Variants in DAB1 observed in about 807,000 individuals in gnomAD.
DAB1 encodes disabled homolog 1.
Under a neutral mutation model 64.6 loss-of-function variants are expected in DAB1, and 15 were observed. The ratio of observed to expected loss-of-function variants is 0.23; its 90% CI spans 0.16 to 0.36. The LOEUF is 0.36. Ranked by LOEUF, DAB1 falls within the 10% of genes least tolerant of loss-of-function variation. The pLI, the probability that DAB1 is intolerant of heterozygous loss-of-function variation, is 1.00. For missense variants in DAB1, 596 were observed against 706.7 expected (o/e 0.84, Z 1.78); for synonymous variants, 235 against 251.9 (o/e 0.93, Z 0.64).
At chr1:58,133,676 T>G (rs1653774146) in intron 5 of DAB1, among the ~76,000 whole-genome samples, 1 of 152,260 alleles carries the variant, frequency 6.6e-6, no homozygotes, top group Admixed American at 6.5e-5. Flanking sequence ...GGCTCTCACT[T>G]GTTTTTTGAA....
At position 57,374,995 on chromosome 1, in the gene DAB1, T is replaced by A. The variant is rs528074676; in HGVS notation, c.-137+48935A>T. On this transcript the variant is annotated intron_variant, in intron 1 of 14. Coordinates refer to ENST00000371236, the MANE Select transcript of DAB1 (RefSeq NM_001365792.1). Reference sequence around the variant, plus strand: ...GCCATTCTGTCCCAGGATACAGGCTTCTGCCCAGTTCCAGAATCACAAATC... The same window carrying A: ...GCCATTCTGTCCCAGGATACAGGCTACTGCCCAGTTCCAGAATCACAAATC... Among the ~76,000 whole-genome samples the A allele has an allele frequency of 4.6e-5, 7 of 151,904 alleles. No homozygotes were observed. The South Asian group carries it at 1.5e-3, about 32-fold the overall frequency.
chr1:57,865,834 T>G (rs578053873), intron 1 of DAB1, among the ~76,000 whole-genome samples: 54 of 152,230 alleles, frequency 3.5e-4, no homozygotes, highest in Non-Finnish European at 6.6e-4. Flanking sequence ...CTTTATGAGC[T>G]GCTACAACAA....
chr1:57,033,425 G>A, intron 9 of DAB1: 1 of 1,612,886 alleles, frequency 6.2e-7, no homozygotes. Flanking sequence ...CTGTGGGCAG[G>A]TTTCTGTTCT....
intron 3 of DAB1, among the ~76,000 whole-genome samples, chr1:58,370,770 G>C (rs992581712): frequency 8.5e-5 from 13 of 152,144 alleles, no homozygotes; most frequent in African/African-American, 2.9e-4. Context: ...CATGAGATTT[G>C]ATGGTTTTTA....
chr1:57,830,364 G>C (rs1229141490), intron 1 of DAB1, among the ~76,000 whole-genome samples: 4 of 152,152 alleles, frequency 2.6e-5, no homozygotes, highest in Non-Finnish European at 5.9e-5. Flanking sequence ...AATACTATGA[G>C]GTAGGCCTAT....
chr1:57,741,424 G>A (rs1386510737), intron 6 of DAB1, among the ~76,000 whole-genome samples: 4 of 152,104 alleles, frequency 2.6e-5, no homozygotes, highest in African/African-American at 7.2e-5. Context: ...GAAACCTTGG[G>A]AAACTCTTCC....
chr1:57,684,423 C>A (rs532621188), intron 6 of DAB1, among the ~76,000 whole-genome samples: 6 of 152,188 alleles, frequency 3.9e-5, no homozygotes, highest in Admixed American at 1.3e-4. Flanking sequence ...GCTGGCAGCA[C>A]AACTGTCAGC....
intron 2 of DAB1, among the ~76,000 whole-genome samples, chr1:57,227,215 A>G (rs1667334618): frequency 1.3e-5 from 2 of 152,144 alleles, no homozygotes; most frequent in Admixed American, 6.5e-5. Flanking sequence ...GCCTTAGTGG[A>G]ATTGAAATAT....
At chr1:57,561,701 T>G (rs532828154) in intron 7 of DAB1, among the ~76,000 whole-genome samples, 2 of 152,164 alleles carry the variant, frequency 1.3e-5, no homozygotes, top group Admixed American at 1.3e-4. Flanking sequence ...AAAGTGGCCA[T>G]GGTGGCTGGG....
chr1:58,530,818 C>T, intron 1 of DAB1: 1 of 732,946 alleles, frequency 1.4e-6, no homozygotes, highest in Non-Finnish European at 2.4e-6. Context: ...GTTACAATTA[C>T]CTGACCTTCT....
intron 6 of DAB1, among the ~76,000 whole-genome samples, chr1:57,673,196 G>A (rs184215309): frequency 0.011 from 1,645 of 152,160 alleles, 32 homozygotes; most frequent in African/African-American, 0.038. Flanking sequence ...TGACAGAAGG[G>A]GCATGGGACT....
At chr1:58,319,869 T>C (rs745768094) in intron 4 of DAB1, among the ~76,000 whole-genome samples, 17 of 152,216 alleles carry the variant, frequency 1.1e-4, no homozygotes, top group Non-Finnish European at 7.3e-5. Flanking sequence ...TCATTTTTCT[T>C]CCATCTGCTG....
At chr1:58,213,364 G>A (rs940878618) in intron 4 of DAB1, among the ~76,000 whole-genome samples, 3 of 152,088 alleles carry the variant, frequency 2.0e-5, no homozygotes, top group Admixed American at 6.5e-5. Flanking sequence ...AGACATACCC[G>A]AGACAGGGTA....
rs1557427585 is a variant in DAB1, at chr1:57,695,278, A to AGAG, written n.552-45614_552-45613insCTC. Among the ~76,000 whole-genome samples the AGAG allele has an allele frequency of 8.0e-4, 62 of 77,890 alleles. 5 individuals are homozygous for AGAG. Among genetic ancestry groups the AGAG allele is most frequent in the African/African-American group, 2.6e-3 (47 of 17,874 alleles). The allele number at this position is 77,890 out of a possible 152,430, so 51.1% of individuals were successfully genotyped here. On this transcript the variant is annotated intron_variant and non_coding_transcript_variant, in intron 6 of 20. Coordinates refer to the DAB1 transcript ENST00000485760. ...GAAAGAAGGAAGGAAGGAAGGAAGGAAGGAAGAAAGGGAGAGAGAAGGAAA... is the reference window on the plus strand; with the variant it reads ...GAAAGAAGGAAGGAAGGAAGGAAGGAGAGAGGAAGAAAGGGAGAGAGAAGGAAA...
chr1:57,617,505 C>T (rs1645803718), intron 7 of DAB1, among the ~76,000 whole-genome samples: 1 of 152,142 alleles, frequency 6.6e-6, no homozygotes, highest in Non-Finnish European at 1.5e-5. Context: ...GCATACATCA[C>T]TGCATTGATC....
intron 4 of DAB1, among the ~76,000 whole-genome samples, chr1:57,119,866 A>G (rs1464274633): frequency 6.6e-6 from 1 of 152,098 alleles, no homozygotes; most frequent in East Asian, 1.9e-4. Flanking sequence ...CAGTCTCCCC[A>G]TTTTCAGTTC....
chr1:58,540,413 T>A (rs1646588185), intron 1 of DAB1, among the ~76,000 whole-genome samples: 1 of 151,652 alleles, frequency 6.6e-6, no homozygotes, highest in Admixed American at 6.6e-5. Context: ...GAAATATCAA[T>A]CAGTGGAAAC....
chr1:58,515,513 A>G (rs997966746), intron 2 of DAB1, among the ~76,000 whole-genome samples: 1 of 152,194 alleles, frequency 6.6e-6, no homozygotes, highest in Non-Finnish European at 1.5e-5. Context: ...ATAGCAATGA[A>G]AAATCAGATG....
At chr1:58,536,981 T>G (rs1026745689) in intron 1 of DAB1, among the ~76,000 whole-genome samples, 3 of 152,090 alleles carry the variant, frequency 2.0e-5, no homozygotes, top group East Asian at 1.9e-4. Context: ...TTCAGCTATT[T>G]TAAGGATAAA....
Sources: allele counts gnomAD v4.1 joint callset (sites outside exome capture counted in the v4.1 genomes callset), GRCh38; gene constraint gnomAD v4.1.1; transcripts MANE v1.5; gene names NCBI Gene and HGNC (gene_info 2026-07-23, HGNC 2026-07-21).